The following PDE3B variants were observed in gnomAD, a reference collection of about 807,000 sequenced individuals.
The protein encoded by PDE3B is phosphodiesterase 3B, also known as cGMP-inhibited 3',5'-cyclic phosphodiesterase 3B.
Under a neutral mutation model 116.8 loss-of-function variants are expected in PDE3B, and 66 were observed. That is an observed-to-expected ratio of 0.56 (90% CI 0.46 to 0.69). PDE3B has a LOEUF of 0.69. Ranked by LOEUF, PDE3B falls within the 30% of genes least tolerant of loss-of-function variation. The pLI is 0.00. For missense variants in PDE3B, 1,384 were observed against 1,368.1 expected, an observed-to-expected ratio of 1.01 and a Z score of -0.18; for synonymous variants, 595 against 533.6, an observed-to-expected ratio of 1.12 and a Z score of -1.59.
the PDE3B span, chr11:14,887,551 A>C: frequency 1.0e-6 from 1 of 956,520 alleles, no homozygotes; most frequent in Non-Finnish European, 1.2e-6. Context: ...TGATTTATTC[A>C]ATAATTTTAG....
chr11:14,831,590 A>G, intron 8 of PDE3B, 50 bp from the exon 9 acceptor site: 1 of 1,164,442 alleles, frequency 8.6e-7, no homozygotes, highest in Non-Finnish European at 1.2e-6. Flanking sequence ...TATATATTTT[A>G]CAGTATTTAT....
intron 1 of PDE3B, among the ~76,000 whole-genome samples, chr11:14,706,875 C>T (rs1319175954): frequency 6.6e-6 from 1 of 151,896 alleles, no homozygotes; most frequent in Non-Finnish European, 1.5e-5. Flanking sequence ...CATTTTGGTA[C>T]ATGCCATATT....
the PDE3B span, chr11:14,885,728 G>T: frequency 1.3e-6 from 2 of 1,584,654 alleles, no homozygotes; most frequent in African/African-American, 1.3e-5. Context: ...TAAGGAATGT[G>T]ATTTAAAATA....
intron 4 of PDE3B, among the ~76,000 whole-genome samples, chr11:14,796,388 T>C (rs985142319): frequency 1.3e-5 from 2 of 152,234 alleles, no homozygotes; most frequent in Non-Finnish European, 2.9e-5. Context: ...GTATACCCAG[T>C]AATGGGATTG....
chr11:14,845,751 G>A (rs928626618), intron 12 of PDE3B, among the ~76,000 whole-genome samples: 1 of 152,156 alleles, frequency 6.6e-6, no homozygotes, highest in Non-Finnish European at 1.5e-5. Flanking sequence ...GATGGAAGAT[G>A]AAACGAATGA....
At chr11:14,855,566 A>G in intron 12 of PDE3B, among the ~76,000 whole-genome samples, 1 of 152,184 alleles carries the variant, frequency 6.6e-6, no homozygotes, top group Non-Finnish European at 1.5e-5. Context: ...ATTAAATAAA[A>G]CATGGGAAAA....
At chr11:14,665,057 AG>A (rs1300104199) in intron 1 of PDE3B, among the ~76,000 whole-genome samples, 1 of 152,210 alleles carries the variant, frequency 6.6e-6, no homozygotes, top group Non-Finnish European at 1.5e-5. Flanking sequence ...CACATCAAAA[AG>A]CTTATCCAAC....
At chr11:14,682,981 A>C (rs538083304) in intron 1 of PDE3B, among the ~76,000 whole-genome samples, 1 of 150,440 alleles carries the variant, frequency 6.6e-6, no homozygotes, top group East Asian at 1.9e-4. Context: ...CTTGTTGTCC[A>C]GGCTGGAGTG....
rs1859541163 is a variant in PDE3B, at chr11:14,822,257, T to C, written c.1807+3048T>C. Among the ~76,000 whole-genome samples, 4 of 152,146 alleles carry C rather than the reference T, an allele frequency of 2.6e-5. No individual in the cohort carries two copies. The South Asian group carries it at 8.3e-4, about 32-fold the overall frequency. ...AACTCTACATATTGAGCTTATAGCA[T>C]GTAATTATCATATAATCAGCACCCA... On this transcript the variant is annotated intron_variant, in intron 7 of 15. Transcript: ENST00000282096.
At chr11:14,657,138 TC>T (rs1279300628) in intron 1 of PDE3B, among the ~76,000 whole-genome samples, 1 of 152,220 alleles carries the variant, frequency 6.6e-6, no homozygotes, top group Non-Finnish European at 1.5e-5. Context: ...TAATTTACTG[TC>T]CCATAAGCTT....
At chr11:14,707,404 T>G (rs1406962492) in intron 1 of PDE3B, among the ~76,000 whole-genome samples, 2 of 151,978 alleles carry the variant, frequency 1.3e-5, no homozygotes, top group African/African-American at 4.8e-5. Context: ...CCAGGACCTA[T>G]CTTTCACAGA....
chr11:14,898,012 AC>A, the PDE3B span, among the ~76,000 whole-genome samples: 3 of 152,006 alleles, frequency 2.0e-5, no homozygotes, highest in Non-Finnish European at 2.9e-5. Context: ...GAACCTTAAT[AC>A]CCTCATATGT....
intron 2 of PDE3B, among the ~76,000 whole-genome samples, chr11:14,785,331 A>T (rs1326657666): frequency 6.6e-6 from 1 of 152,070 alleles, no homozygotes; most frequent in African/African-American, 2.4e-5. Flanking sequence ...ATGCCCTGGT[A>T]TCAGGAAATG....
At chr11:14,667,832 G>A (rs1402993960) in intron 1 of PDE3B, among the ~76,000 whole-genome samples, 1 of 97,218 alleles carries the variant, frequency 1.0e-5, no homozygotes, top group Non-Finnish European at 2.1e-5. Context: ...AAAACTTAAA[G>A]TATAATAATA....
intron 2 of PDE3B, chr11:14,774,288 C>T (rs1360204527): frequency 6.6e-6 from 1 of 152,168 alleles, no homozygotes; most frequent in Non-Finnish European, 1.5e-5. Flanking sequence ...AGGCAAGCCT[C>T]TTAAGACACT....
chr11:14,875,068 G>A (rs1555009539), downstream of PDE3B, among the ~76,000 whole-genome samples: 1 of 152,050 alleles, frequency 6.6e-6, no homozygotes, highest in Non-Finnish European at 1.5e-5. Context: ...TTCAGCACTT[G>A]GGGGCAAGTT....
At chr11:14,851,947 A>G (rs1191491824) in intron 12 of PDE3B, among the ~76,000 whole-genome samples, 2 of 152,250 alleles carry the variant, frequency 1.3e-5, no homozygotes, top group East Asian at 3.8e-4. Flanking sequence ...ATGATTAAGG[A>G]GGTAACATAT....
chr11:14,735,609 T>G (rs1304784534), intron 1 of PDE3B, among the ~76,000 whole-genome samples: 2 of 152,174 alleles, frequency 1.3e-5, no homozygotes, highest in African/African-American at 4.8e-5. Flanking sequence ...CTGTTTAAAC[T>G]TCAGTTAAAC....
intron 7 of PDE3B, among the ~76,000 whole-genome samples, chr11:14,823,625 G>C (rs1211560696): frequency 1.3e-5 from 2 of 152,070 alleles, no homozygotes; most frequent in African/African-American, 4.8e-5. Flanking sequence ...TTTCTGACCA[G>C]CAGCAGTTTC....
Sources: allele counts gnomAD v4.1 joint callset (sites outside exome capture counted in the v4.1 genomes callset), GRCh38; gene constraint gnomAD v4.1.1; transcripts MANE v1.5; gene names NCBI Gene and HGNC (gene_info 2026-07-23, HGNC 2026-07-21).